Variants in TSPAN11 observed in about 807,000 individuals in gnomAD.
The protein encoded by TSPAN11 is tetraspanin-11.
A neutral mutation model predicts 32.9 loss-of-function variants in TSPAN11; 29 were observed. That is an observed-to-expected ratio of 0.88 (90% CI 0.66 to 1.20). TSPAN11 has a LOEUF of 1.20. TSPAN11 is among the 50% of genes most tolerant of loss of function. TSPAN11 has a pLI of 0.00. For missense variants in TSPAN11, 283 were observed against 329.1 expected (o/e 0.86, Z 1.08); for synonymous variants, 140 against 141.3 (o/e 0.99, Z 0.07).
At chr12:30,988,000 G>A (rs1664384265) in intron 7 of TSPAN11, among the ~76,000 whole-genome samples, 1 of 152,270 alleles carries the variant, frequency 6.6e-6, no homozygotes, top group South Asian at 2.1e-4. Context: ...GCAGGCTGGG[G>A]CAGAGGCTGG....
chr12:31,012,415 C>T, the TSPAN11 span: 6 of 152,370 alleles, frequency 3.9e-5, no homozygotes, highest in African/African-American at 1.5e-4. Context: ...ATACATAATG[C>T]ACTGCACCTC....
intron 1 of TSPAN11, among the ~76,000 whole-genome samples, chr12:30,933,955 C>G (rs969962446): frequency 6.6e-6 from 1 of 152,154 alleles, no homozygotes; most frequent in African/African-American, 2.4e-5. Flanking sequence ...TGAACACACA[C>G]CGGGGCCCCC....
intron 7 of TSPAN11, among the ~76,000 whole-genome samples, chr12:30,990,804 C>G (rs955135417): frequency 6.6e-6 from 1 of 152,232 alleles, no homozygotes; most frequent in African/African-American, 2.4e-5. Flanking sequence ...AGTCAGGACA[C>G]TGTTTCAATA....
intron 1 of TSPAN11, among the ~76,000 whole-genome samples, chr12:30,938,998 T>C (rs1317096712): frequency 1.3e-5 from 2 of 151,996 alleles, no homozygotes; most frequent in Non-Finnish European, 2.9e-5. Context: ...TTTGGGAGGC[T>C]GAGGTGGGTG....
At chr12:31,005,862 G>A in the TSPAN11 span, 7 of 183,578 alleles carry the variant, frequency 3.8e-5, no homozygotes, top group South Asian at 9.5e-4. Context: ...AAAGACACAT[G>A]GAAGGACCTT....
chr12:31,004,443 G>A, the TSPAN11 span, among the ~76,000 whole-genome samples: 1 of 152,146 alleles, frequency 6.6e-6, no homozygotes, highest in Admixed American at 6.5e-5. Flanking sequence ...CCCTGGGAAG[G>A]AGATAGAGAT....
chr12:30,968,997 C>T (rs1324274198), intron 3 of TSPAN11, among the ~76,000 whole-genome samples: 1 of 152,084 alleles, frequency 6.6e-6, no homozygotes, highest in Non-Finnish European at 1.5e-5. Flanking sequence ...GTGAGGATAA[C>T]GAAGAAGTAT....
the TSPAN11 span, among the ~76,000 whole-genome samples, chr12:31,003,828 C>G: frequency 6.6e-6 from 1 of 152,184 alleles, no homozygotes; most frequent in African/African-American, 2.4e-5. Context: ...CACCATGGCT[C>G]CTGTCTCAGA....
intron 3 of TSPAN11, among the ~76,000 whole-genome samples, chr12:30,977,532 G>GCTCCCCCTCT (rs202204252): frequency 0.057 from 8,668 of 152,202 alleles, 346 homozygotes; most frequent in Non-Finnish European, 0.085. Context: ...CATCAGTAGT[G>GCTCCCCCTCT]CTCCCCCTCT....
chr12:30,977,897 A>C (rs140822753), intron 3 of TSPAN11, among the ~76,000 whole-genome samples: 72 of 152,318 alleles, frequency 4.7e-4, no homozygotes, highest in Non-Finnish European at 5.0e-4. Flanking sequence ...CAGGGCTGAA[A>C]GACAACACAG....
intron 2 of TSPAN11, among the ~76,000 whole-genome samples, chr12:30,958,641 C>T (rs903696973): frequency 3.9e-5 from 6 of 152,186 alleles, no homozygotes; most frequent in African/African-American, 1.4e-4. Context: ...CCTGGTCTCC[C>T]AGTCCTCTCC....
At chr12:30,977,081 G>A (rs1292755397) in intron 3 of TSPAN11, among the ~76,000 whole-genome samples, 2 of 152,164 alleles carry the variant, frequency 1.3e-5, no homozygotes. Flanking sequence ...GCAATGAGGA[G>A]GTGGGTAATG....
In TSPAN11 at chr12:30,981,695, C is replaced by T. The variant is rs368548797; in HGVS notation, c.457-837C>T. ...CAAGCTTCTGTCATCTTCTACCACGCGACAGTGGATGCTAAGCTACCCAAG... is the reference window on the plus strand; with the variant it reads ...CAAGCTTCTGTCATCTTCTACCACGTGACAGTGGATGCTAAGCTACCCAAG... On this transcript the variant is annotated intron_variant, in intron 5 of 7. Coordinates refer to ENST00000546076, the MANE Select transcript of TSPAN11 (RefSeq NM_001370302.1). 8.5e-5 allele frequency among the ~76,000 whole-genome samples: 13 copies of T among 152,302 alleles called. No homozygotes were observed. In the East Asian group the frequency reaches 1.9e-3, roughly 23 times the overall value.
At chr12:31,001,801 C>G in the TSPAN11 span, among the ~76,000 whole-genome samples, 2 of 152,172 alleles carry the variant, frequency 1.3e-5, no homozygotes, top group South Asian at 4.1e-4. Context: ...GGCTCTAGCA[C>G]AGTCACCAGA....
rs1937802382 is a variant in TSPAN11, at chr12:30,926,776, G to A, written c.-32G>A. ...CTCTCTAGGCGCAGCTCCCTTCGCC[G>A]CTTCCGGAGCCCCTGGCAGGGTAAG... On this transcript the variant is annotated 5_prime_UTR_variant, in exon 1 of 8. Transcript: ENST00000546076. 5.9e-6 allele frequency: 2 copies of A among 338,914 alleles called. No homozygotes were observed. The highest frequency in any genetic ancestry group is 1.0e-5 in the Non-Finnish European group (2 of 195,172). 21.0% of individuals were successfully genotyped at this position (338,914 alleles called of 1,614,324 possible).
Position 30,990,337 on chromosome 12 carries a change from A to G in TSPAN11, c.703-1519A>G, listed in dbSNP as rs1005870795. ...GACGTACATTGCAGGCGATGCAGACATGGTTTCCAGCACAAACCTGTGCCG... is the reference window on the plus strand; with the variant it reads ...GACGTACATTGCAGGCGATGCAGACGTGGTTTCCAGCACAAACCTGTGCCG... On this transcript the variant is annotated intron_variant, in intron 7 of 7. Coordinates refer to ENST00000546076, the MANE Select transcript of TSPAN11 (RefSeq NM_001370302.1). Among the ~76,000 whole-genome samples, 6 of 152,208 alleles carry G rather than the reference A, an allele frequency of 3.9e-5. No individual in the cohort carries two copies. In the East Asian group the frequency reaches 1.2e-3, roughly 30 times the overall value.
chr12:30,944,147 T>C (rs1938221037), intron 1 of TSPAN11, among the ~76,000 whole-genome samples: 1 of 152,138 alleles, frequency 6.6e-6, no homozygotes, highest in African/African-American at 2.4e-5. Context: ...GTATTTACCA[T>C]GTACAACATG....
intron 3 of TSPAN11, among the ~76,000 whole-genome samples, chr12:30,966,021 A>ATT (rs34029759): frequency 1.5e-3 from 215 of 146,006 alleles, no homozygotes; most frequent in East Asian, 3.0e-3. Flanking sequence ...TTTTTTTGTG[A>ATT]TTTTTTTTTT....
chr12:30,986,127 C>CA (rs1939196261), intron 7 of TSPAN11, among the ~76,000 whole-genome samples: 1 of 152,196 alleles, frequency 6.6e-6, no homozygotes, highest in Non-Finnish European at 1.5e-5. Flanking sequence ...AGAGAGCAGA[C>CA]ACCAGGCATT....
Sources: gnomAD v4.1 joint callset for allele counts (sites outside exome capture counted in the v4.1 genomes callset) on GRCh38, gnomAD v4.1.1 for gene constraint, MANE v1.5 for transcripts, NCBI Gene and HGNC (gene_info 2026-07-23, HGNC 2026-07-21) for gene names.